The following DCAF6 variants were observed in gnomAD, a reference collection of about 807,000 sequenced individuals.
The protein encoded by DCAF6 is DDB1- and CUL4-associated factor 6.
DCAF6 carries 54 observed loss-of-function variants against 125.1 expected under a neutral mutation model. The observed-to-expected ratio is 0.43, with a 90% confidence interval of 0.35 to 0.54. The LOEUF (loss-of-function observed/expected upper bound fraction) is 0.54. DCAF6 is among the 20% of genes least tolerant of loss of function. The probability of loss-of-function intolerance (pLI) is 0.01; values close to 1 mark genes in which losing one functional copy is unlikely to be tolerated. For missense variants in DCAF6, 934 were observed against 1,161.7 expected, an observed-to-expected ratio of 0.80 and a Z score of 2.85; for synonymous variants, 371 against 390.4, an observed-to-expected ratio of 0.95 and a Z score of 0.58.
intron 12 of DCAF6, among the ~76,000 whole-genome samples, chr1:168,033,688 A>G (rs1687436113): frequency 6.6e-6 from 1 of 152,132 alleles, no homozygotes; most frequent in African/African-American, 2.4e-5. Flanking sequence ...CCCCAAAATG[A>G]AGTCCTTTAC....
At chr1:167,922,402 G>A in the DCAF6 span, among the ~76,000 whole-genome samples, 1 of 151,954 alleles carries the variant, frequency 6.6e-6, no homozygotes, top group Non-Finnish European at 1.5e-5. Flanking sequence ...AGATCAAAGA[G>A]GCCCCTAAAT....
chr1:167,933,577 T>G (rs1670974635), upstream of DCAF6, among the ~76,000 whole-genome samples: 1 of 152,252 alleles, frequency 6.6e-6, no homozygotes, highest in African/African-American at 2.4e-5. Context: ...TTGTAGCATT[T>G]CATATCATTT....
At chr1:167,886,877 T>C in the DCAF6 span, among the ~76,000 whole-genome samples, 2 of 152,240 alleles carry the variant, frequency 1.3e-5, no homozygotes, top group South Asian at 4.1e-4. Flanking sequence ...CATCAAAAAG[T>C]GGGCAAAGGA....
chr1:167,974,092 A>G (rs1171614971), intron 3 of DCAF6, among the ~76,000 whole-genome samples: 1 of 152,094 alleles, frequency 6.6e-6, no homozygotes, highest in Non-Finnish European at 1.5e-5. Context: ...GAGAATTGAT[A>G]TCTCAGCATA....
At chr1:167,888,811 G>T in the DCAF6 span, among the ~76,000 whole-genome samples, 1 of 150,094 alleles carries the variant, frequency 6.7e-6, no homozygotes, top group Admixed American at 6.7e-5. Flanking sequence ...GGGAGGCGGA[G>T]CGTGCAGTGA....
At chr1:168,050,664 G>A (rs1416887560) in intron 16 of DCAF6, among the ~76,000 whole-genome samples, 1 of 152,182 alleles carries the variant, frequency 6.6e-6, no homozygotes, top group East Asian at 1.9e-4. Flanking sequence ...TAAGTGCAAT[G>A]TCTTCCTTCT....
rs113203752 is a variant in DCAF6, at chr1:168,063,553, TAA to T, written c.2301-67_2301-66del. Reference sequence around the variant, plus strand: ...ATTTCCTAGACTTACTATATTTTCATAAGTTTCTCATTATTCTTTGTGAATAT... The same window carrying T: ...ATTTCCTAGACTTACTATATTTTCATGTTTCTCATTATTCTTTGTGAATAT... On this transcript the variant is annotated intron_variant, in intron 17 of 21. Transcript: ENST00000367840. 1.0e-3 allele frequency: 1,295 copies of T among 1,294,438 alleles called. 10 individuals carry two copies. The African/African-American group carries it at 0.018, about 18-fold the overall frequency. 80.2% of individuals were successfully genotyped at this position (1,294,438 alleles called of 1,614,324 possible). A position where few individuals can be genotyped will look rare whatever the true frequency, so the allele number is the denominator to read the frequency against.
chr1:167,991,420 C>CTTACTACCACATTTACCA, intron 6 of DCAF6, 81 bp downstream of exon 6: 1 of 1,357,090 alleles, frequency 7.4e-7, no homozygotes. Context: ...TTTAAAATTT[C>CTTACTACCACATTTACCA]TTGTTTGTTA....
chr1:167,960,728 T>C (rs1297933440), intron 2 of DCAF6, among the ~76,000 whole-genome samples: 2 of 152,210 alleles, frequency 1.3e-5, no homozygotes, highest in African/African-American at 4.8e-5. Flanking sequence ...TTAAAGTGTA[T>C]TTTAAGGCCT....
the DCAF6 span, among the ~76,000 whole-genome samples, chr1:167,893,473 G>C: frequency 6.6e-6 from 1 of 152,114 alleles, no homozygotes; most frequent in Non-Finnish European, 1.5e-5. Flanking sequence ...AGCACTGTGG[G>C]AGGGTGAGGC....
the DCAF6 span, chr1:167,896,764 C>A: frequency 4.7e-6 from 5 of 1,069,424 alleles, no homozygotes; most frequent in Non-Finnish European, 7.3e-6. Flanking sequence ...AATTTCTTAG[C>A]AGAAAGAGAG....
intron 11 of DCAF6, among the ~76,000 whole-genome samples, chr1:168,016,845 A>G (rs2103187262): frequency 6.6e-6 from 1 of 152,114 alleles, no homozygotes; most frequent in Middle Eastern, 3.4e-3. Flanking sequence ...GCTTTGTTTG[A>G]TATGCTTTCT....
intron 16 of DCAF6, among the ~76,000 whole-genome samples, chr1:168,048,526 T>C (rs905675994): frequency 1.4e-4 from 21 of 152,224 alleles, no homozygotes; most frequent in Non-Finnish European, 2.6e-4. Context: ...TTTACATTCT[T>C]ATAATTTGGT....
intron 13 of DCAF6, among the ~76,000 whole-genome samples, chr1:168,040,121 C>A (rs1043725098): frequency 7.9e-5 from 12 of 152,104 alleles, no homozygotes; most frequent in Non-Finnish European, 1.0e-4. Flanking sequence ...GAGAAGGTGA[C>A]ATTTGGGCAA....
At chr1:168,019,288 T>A (rs2103210982) in intron 11 of DCAF6, among the ~76,000 whole-genome samples, 1 of 152,264 alleles carries the variant, frequency 6.6e-6, no homozygotes, top group South Asian at 2.1e-4. Flanking sequence ...GACCTTGTGA[T>A]CCACCCACTG....
At chr1:168,057,095 T>C (rs1325165180) in intron 17 of DCAF6, among the ~76,000 whole-genome samples, 1 of 152,208 alleles carries the variant, frequency 6.6e-6, no homozygotes, top group Non-Finnish European at 1.5e-5. Context: ...ATGCTGTTTT[T>C]TCCACCCTAA....
chr1:167,947,022 G>A (rs1673183832), intron 1 of DCAF6, among the ~76,000 whole-genome samples: 1 of 152,080 alleles, frequency 6.6e-6, no homozygotes. Context: ...TTTGTTGGGA[G>A]ATTGTAAAAA....
At chr1:167,870,408 G>A in the DCAF6 span, 5 of 1,605,994 alleles carry the variant, frequency 3.1e-6, no homozygotes, top group South Asian at 3.3e-5. Context: ...TCTTTATTAC[G>A]TCCTGTTATT....
intron 2 of DCAF6, among the ~76,000 whole-genome samples, chr1:167,952,133 G>A (rs1312966444): frequency 6.6e-6 from 1 of 152,068 alleles, no homozygotes; most frequent in Non-Finnish European, 1.5e-5. Flanking sequence ...CAAATGTGGT[G>A]TTCACTTCTT....
Sources: allele counts gnomAD v4.1 joint callset (sites outside exome capture counted in the v4.1 genomes callset), GRCh38; gene constraint gnomAD v4.1.1; transcripts MANE v1.5; gene names NCBI Gene and HGNC (gene_info 2026-07-23, HGNC 2026-07-21).